Variants in SYNJ2BP observed in about 807,000 individuals in gnomAD.
SYNJ2BP encodes synaptojanin 2 binding protein.
A neutral mutation model predicts 16.9 loss-of-function variants in SYNJ2BP; 10 were observed. That is an observed-to-expected ratio of 0.59 (90% CI 0.36 to 1.00). The LOEUF (loss-of-function observed/expected upper bound fraction) is 1.00. SYNJ2BP is among the 50% of genes least tolerant of loss of function. The pLI is 0.01. For missense variants in SYNJ2BP, 162 were observed against 186.7 expected (o/e 0.87, Z 0.77); for synonymous variants, 54 against 68.4 (o/e 0.79, Z 1.04).
At chr14:70,400,528 C>A (rs1414240477) in intron 1 of SYNJ2BP, among the ~76,000 whole-genome samples, 2 of 152,068 alleles carry the variant, frequency 1.3e-5, no homozygotes, top group East Asian at 3.8e-4. Context: ...AAAAAACAAA[C>A]AATACCCTTT....
intron 2 of SYNJ2BP, 32 bp from the exon 3 acceptor site, chr14:70,375,803 A>G (rs1250002965): frequency 6.2e-7 from 1 of 1,607,682 alleles, no homozygotes; most frequent in East Asian, 2.2e-5. Context: ...GTAAGAAAGG[A>G]AGAAGGCTAT....
At chr14:70,385,183 T>C (rs1887833371) in intron 2 of SYNJ2BP, among the ~76,000 whole-genome samples, 1 of 152,148 alleles carries the variant, frequency 6.6e-6, no homozygotes, top group Non-Finnish European at 1.5e-5. Context: ...CTCCAGCCCT[T>C]TTTTAAAACT....
intron 1 of SYNJ2BP, among the ~76,000 whole-genome samples, chr14:70,405,357 G>A (rs1036631874): frequency 2.6e-5 from 4 of 151,942 alleles, no homozygotes; most frequent in Non-Finnish European, 5.9e-5. Context: ...GGAAGTATAG[G>A]ACAAAACTGA....
intron 1 of SYNJ2BP, among the ~76,000 whole-genome samples, chr14:70,397,368 A>G (rs1301868273): frequency 6.6e-6 from 1 of 152,184 alleles, no homozygotes; most frequent in Non-Finnish European, 1.5e-5. Context: ...ATTACTGAAA[A>G]TGAGGATACT....
chr14:70,413,648 G>C (rs1888538628), intron 1 of SYNJ2BP, among the ~76,000 whole-genome samples: 1 of 152,072 alleles, frequency 6.6e-6, no homozygotes, highest in South Asian at 2.1e-4. Context: ...AAAAAAAGAA[G>C]AACAAAAGAA....
intron 1 of SYNJ2BP, among the ~76,000 whole-genome samples, chr14:70,396,469 A>G (rs1269141572): frequency 6.6e-6 from 1 of 152,068 alleles, no homozygotes. Flanking sequence ...GCAGAATCAC[A>G]TGGTAATTAT....
intron 3 of SYNJ2BP, among the ~76,000 whole-genome samples, chr14:70,375,376 T>C (rs1361611792): frequency 6.6e-6 from 1 of 151,794 alleles, no homozygotes; most frequent in Non-Finnish European, 1.5e-5. Context: ...TTTTTTGTAT[T>C]TTTAGTAGAG....
chr14:70,386,301 T>A (rs1487105738), intron 2 of SYNJ2BP, among the ~76,000 whole-genome samples: 4 of 152,192 alleles, frequency 2.6e-5, no homozygotes, highest in Non-Finnish European at 5.9e-5. Flanking sequence ...CTTTTCACTA[T>A]CCTTTTGAGA....
rs921793614 is a variant in SYNJ2BP at position 70,370,948 on chromosome 14, C to T, written c.*2043G>A. 1 of 152,110 alleles carries T rather than the reference C, an allele frequency of 6.6e-6. No individual in the cohort carries two copies. Among genetic ancestry groups the T allele is most frequent in the African/African-American group, 2.4e-5 (1 of 41,408 alleles). 9.4% of individuals were successfully genotyped at this position (152,110 alleles called of 1,614,324 possible). ...AGAGTGTTGTCTTCGCAGTTGGAAC[C>T]CAAAAGCCCTATGGGATGGAGGATA... is the stretch of plus-strand genomic sequence containing the variant. On this transcript the variant is annotated 3_prime_UTR_variant, in exon 4 of 4. Coordinates refer to ENST00000256366, the MANE Select transcript of SYNJ2BP (RefSeq NM_018373.3).
Position 70,376,473 on chromosome 14 carries a change from G to A in SYNJ2BP, c.202-702C>T, listed in dbSNP as rs148447838. 4.2e-3 allele frequency among the ~76,000 whole-genome samples: 635 copies of A among 152,336 alleles called. 7 individuals are homozygous for A. The highest frequency in any genetic ancestry group is 0.015 in the African/African-American group (605 of 41,582). ...GTATTAATACTTTTTGCAGTTAGGAGTGACATCGGCCACAAGTAATAATCT... is the reference window on the plus strand; with the variant it reads ...GTATTAATACTTTTTGCAGTTAGGAATGACATCGGCCACAAGTAATAATCT... On this transcript the variant is annotated intron_variant, in intron 2 of 3. Transcript: ENST00000256366.
At chr14:70,393,520 C>G (rs1359104390) in intron 1 of SYNJ2BP, among the ~76,000 whole-genome samples, 2 of 152,178 alleles carry the variant, frequency 1.3e-5, no homozygotes, top group African/African-American at 4.8e-5. Flanking sequence ...TACTGCAGCA[C>G]TGTTTACAAT....
chr14:70,395,343 T>C (rs1179848328), intron 1 of SYNJ2BP, among the ~76,000 whole-genome samples: 3 of 152,220 alleles, frequency 2.0e-5, no homozygotes, highest in Non-Finnish European at 4.4e-5. Flanking sequence ...AAATAGTTCA[T>C]TAACACCAAG....
intron 1 of SYNJ2BP, among the ~76,000 whole-genome samples, chr14:70,395,995 C>A (rs912626839): frequency 1.3e-5 from 2 of 152,146 alleles, no homozygotes; most frequent in Non-Finnish European, 2.9e-5. Context: ...GAATTATAAT[C>A]TTTTGTATGT....
intron 2 of SYNJ2BP, among the ~76,000 whole-genome samples, chr14:70,379,164 C>T (rs1398636603): frequency 6.6e-6 from 1 of 152,176 alleles, no homozygotes; most frequent in Non-Finnish European, 1.5e-5. Context: ...CTACTGTGAT[C>T]ACTTCTCTCT....
At chr14:70,384,981 T>C (rs186987238) in intron 2 of SYNJ2BP, among the ~76,000 whole-genome samples, 10 of 152,322 alleles carry the variant, frequency 6.6e-5, no homozygotes, top group African/African-American at 2.4e-4. Context: ...TTCCCCTCTC[T>C]TCTTTGGATG....
chr14:70,384,174 C>T (rs1887810436), intron 2 of SYNJ2BP, among the ~76,000 whole-genome samples: 1 of 152,114 alleles, frequency 6.6e-6, no homozygotes, highest in Admixed American at 6.5e-5. Context: ...CTAATAATAA[C>T]TCTAGGAAAT....
rs779006718 is a variant in SYNJ2BP, at chr14:70,375,678, T to C, written c.295A>G (p.Arg99Gly). ...GYAVSLRVQH[R>G]LQVQNGPIGH... is the part of the protein sequence containing the mutation. ...TTCTGGCTCAAAGTGATACCTACCC[T>C]GTGCTGCACTCTCAGAGACACAGCA... Residue 99 changes from arginine (R) to glycine (G), a missense_variant and splice_region_variant, in exon 3 of 4, where the codon AGG becomes GGG. Arg to Gly is a moderately radical substitution (Grantham distance 125, BLOSUM62 -2). Transcript: ENST00000256366. 6 of 1,613,294 alleles carry C rather than the reference T, an allele frequency of 3.7e-6. No individual in the cohort carries two copies. Among genetic ancestry groups the C allele is most frequent in the Middle Eastern group, 1.7e-4 (1 of 6,052 alleles).
intron 1 of SYNJ2BP, among the ~76,000 whole-genome samples, chr14:70,394,809 T>C (rs1314579189): frequency 1.3e-5 from 2 of 152,182 alleles, no homozygotes; most frequent in Admixed American, 6.5e-5. Context: ...GTACTTTATA[T>C]ATATTATCTC....
chr14:70,373,556 G>A (rs1031639753), intron 3 of SYNJ2BP, among the ~76,000 whole-genome samples: 13 of 152,142 alleles, frequency 8.5e-5, no homozygotes, highest in Admixed American at 8.5e-4. Flanking sequence ...TCAAAATGTA[G>A]TAAGAGCAGA....
Sources: gnomAD v4.1 joint callset for allele counts (sites outside exome capture counted in the v4.1 genomes callset) on GRCh38, gnomAD v4.1.1 for gene constraint, MANE v1.5 for transcripts, NCBI Gene and HGNC (gene_info 2026-07-23, HGNC 2026-07-21) for gene names.